ANKRD18B: variants seen among roughly 807,000 people sequenced by gnomAD.
ANKRD18B encodes ankyrin repeat domain 18B, also known as ankyrin repeat domain-containing protein 18B.
A neutral mutation model predicts 111.8 loss-of-function variants in ANKRD18B; 75 were observed. The ratio of observed to expected loss-of-function variants is 0.67; its 90% CI spans 0.56 to 0.81. The LOEUF is 0.81. Among genes scored for constraint, ANKRD18B ranks in the 40% least tolerant of loss-of-function variants. The pLI, the probability that ANKRD18B is intolerant of heterozygous loss-of-function variation, is 0.00. For synonymous variants in ANKRD18B, 356 were observed against 417.3 expected (o/e 0.85, Z 1.79); for missense variants, 1,038 against 1,225.5 (o/e 0.85, Z 2.28).
intron 1 of ANKRD18B, among the ~76,000 whole-genome samples, chr9:33,527,354 C>T (rs1168956349): frequency 2.6e-5 from 4 of 151,928 alleles, no homozygotes; most frequent in African/African-American, 9.7e-5. Flanking sequence ...CAGAGTCTCA[C>T]TCTGTCGCCT....
downstream of ANKRD18B, chr9:33,574,354 T>C (rs1207227536): frequency 6.3e-6 from 1 of 158,698 alleles, no homozygotes; most frequent in East Asian, 1.7e-4. Flanking sequence ...TTAGCCGATG[T>C]GTGACCTCAG....
chr9:33,543,205 T>A lies in ANKRD18B; in HGVS notation c.1099T>A (p.Ser367Thr), dbSNP rs765350804. The A allele has an allele frequency of 1.3e-6, 2 of 1,552,960 alleles. No homozygotes were observed. The highest frequency in any genetic ancestry group is 8.7e-7 in the Non-Finnish European group (1 of 1,147,428). Residue 367 changes from serine (S) to threonine (T), a missense_variant, in exon 10 of 19, where the codon TCA becomes ACA. By Grantham distance (58) the Ser-to-Thr change is moderately conservative. Coordinates refer to ENST00000684830, the MANE Select transcript of ANKRD18B (RefSeq NM_001393611.1). The part of the protein sequence containing the change: ...GAKEHNLKVA[S>T]EEKQERLERS... Reference sequence around the variant, plus strand: ...AGCAGAACACAACTTAAAAGTGGCTTCAGAGGAAAAGCAAGAAAGGCTTGA... The same window carrying A: ...AGCAGAACACAACTTAAAAGTGGCTACAGAGGAAAAGCAAGAAAGGCTTGA...
intron 10 of ANKRD18B, among the ~76,000 whole-genome samples, chr9:33,547,268 C>T (rs533116727): frequency 1.8e-4 from 27 of 152,184 alleles, no homozygotes; most frequent in Non-Finnish European, 2.6e-4. Flanking sequence ...AGTCAGAAGC[C>T]GTGAGGAAAA....
chr9:33,557,015 A>G (rs1241479905), intron 13 of ANKRD18B, among the ~76,000 whole-genome samples: 2 of 152,124 alleles, frequency 1.3e-5, no homozygotes, highest in Admixed American at 1.3e-4. Flanking sequence ...GAAGCCCTGA[A>G]CACAGCTACT....
rs184985197 is a variant in ANKRD18B at position 33,559,351 on chromosome 9, C to A, written c.2460+1164C>A. ...CCATTTCAATCTCTTGGCCCTGCAACAGCCATTTCAAAATATGTCAAAAAA... is the reference window on the plus strand; with the variant it reads ...CCATTTCAATCTCTTGGCCCTGCAAAAGCCATTTCAAAATATGTCAAAAAA... On this transcript the variant is annotated intron_variant, in intron 14 of 18. Coordinates refer to ENST00000684830, the MANE Select transcript of ANKRD18B (RefSeq NM_001393611.1). 2.0e-5 allele frequency among the ~76,000 whole-genome samples: 3 copies of A among 152,254 alleles called. No homozygotes were observed. The East Asian group carries it at 5.8e-4, about 29-fold the overall frequency.
intron 1 of ANKRD18B, among the ~76,000 whole-genome samples, chr9:33,527,555 A>C (rs1158481999): frequency 6.6e-6 from 1 of 152,186 alleles, no homozygotes; most frequent in African/African-American, 2.4e-5. Context: ...CTCCTGACCT[A>C]GAGATCCACC....
intron 6 of ANKRD18B, among the ~76,000 whole-genome samples, chr9:33,538,561 C>A (rs995681663): frequency 1.3e-5 from 2 of 152,034 alleles, no homozygotes; most frequent in Admixed American, 6.6e-5. Context: ...CATGGTGAAA[C>A]CCTATCTCTA....
chr9:33,573,811 T>C (rs1287558439), downstream of ANKRD18B, among the ~76,000 whole-genome samples: 2 of 144,808 alleles, frequency 1.4e-5, 1 homozygote, highest in Non-Finnish European at 3.1e-5. Context: ...ACCTGGCCAG[T>C]TGGGACCTGA....
Position 33,524,398 on chromosome 9 carries a change from G to T in ANKRD18B, c.-92G>T. On this transcript the variant is annotated 5_prime_UTR_variant, in exon 1 of 19. Coordinates refer to ENST00000684830, the MANE Select transcript of ANKRD18B (RefSeq NM_001393611.1). ...GGGTGGATCGCTGGGTGGGGAGGGGGATCTCGAATTTGGAGCTGGGTGGGG... is the reference window on the plus strand; with the variant it reads ...GGGTGGATCGCTGGGTGGGGAGGGGTATCTCGAATTTGGAGCTGGGTGGGG... 2 of 1,275,484 alleles carry T rather than the reference G, an allele frequency of 1.6e-6. No homozygotes were observed. The highest frequency in any genetic ancestry group is 1.6e-5 in the South Asian group (1 of 62,462). 79.0% of individuals were successfully genotyped at this position (1,275,484 alleles called of 1,614,324 possible). A position where few individuals can be genotyped will look rare whatever the true frequency, so the allele number is the denominator to read the frequency against.
chr9:33,536,020 C>G (rs1301060530), intron 5 of ANKRD18B, among the ~76,000 whole-genome samples: 2 of 151,820 alleles, frequency 1.3e-5, no homozygotes, highest in Non-Finnish European at 2.9e-5. Flanking sequence ...ACAAGCAGGG[C>G]TTTGTCTTGT....
At chr9:33,557,326 G>A (rs1421905910) in intron 13 of ANKRD18B, among the ~76,000 whole-genome samples, 1 of 151,616 alleles carries the variant, frequency 6.6e-6, no homozygotes, top group Non-Finnish European at 1.5e-5. Context: ...TCTTCTTATA[G>A]ACTGTGGTCA....
chr9:33,531,573 C>T (rs941755651), intron 3 of ANKRD18B, among the ~76,000 whole-genome samples: 14 of 150,618 alleles, frequency 9.3e-5, no homozygotes, highest in African/African-American at 3.0e-4. Context: ...GGGTAGGAGG[C>T]ACATATTCTC....
intron 16 of ANKRD18B, among the ~76,000 whole-genome samples, chr9:33,568,364 T>C (rs1362141193): frequency 6.6e-6 from 1 of 152,318 alleles, no homozygotes; most frequent in South Asian, 2.1e-4. Flanking sequence ...ATCTTATAAG[T>C]AGAGCTATTT....
intron 12 of ANKRD18B, among the ~76,000 whole-genome samples, chr9:33,552,906 C>T (rs1434704466): frequency 6.6e-6 from 1 of 152,180 alleles, no homozygotes; most frequent in Non-Finnish European, 1.5e-5. Flanking sequence ...ATCTTCCCAA[C>T]ATCCCAGTGA....
chr9:33,566,901 T>A (rs887558147), intron 15 of ANKRD18B: 1 of 558,248 alleles, frequency 1.8e-6, no homozygotes, highest in Non-Finnish European at 3.0e-6. Flanking sequence ...AACATAATTA[T>A]GATTCCAAAT....
chr9:33,555,036 A>G (rs1441261610), intron 12 of ANKRD18B, among the ~76,000 whole-genome samples: 3 of 128,560 alleles, frequency 2.3e-5, no homozygotes, highest in Admixed American at 7.8e-5. Context: ...TTCAATAAAA[A>G]CACAATAAGT....
At chr9:33,527,749 G>A (rs111880208) in intron 1 of ANKRD18B, among the ~76,000 whole-genome samples, 4 of 152,182 alleles carry the variant, frequency 2.6e-5, no homozygotes, top group South Asian at 4.1e-4. Context: ...TGCCTAGAAC[G>A]GCCCTAGACC....
At position 33,548,532 on chromosome 9, in the gene ANKRD18B, C is replaced by A. The variant is rs754632713; in HGVS notation, c.1744C>A (p.Leu582Ile). The A allele has an allele frequency of 3.2e-6, 5 of 1,550,912 alleles. No individual in the cohort carries two copies. In the South Asian group the frequency reaches 6.0e-5, roughly 18 times the overall value. ...GGCTTTAGAAAGTGTACAGCTGGAC[C>A]TAAAGCAAGCGCAGCATCGAATAAA... ...TLALESVQLD[L>I]KQAQHRIKEM... Residue 582 changes from leucine to isoleucine, a missense_variant, in exon 11 of 19, where the codon CTA becomes ATA. Leu to Ile is a conservative substitution (Grantham distance 5). Transcript: ENST00000684830.
At chr9:33,526,199 A>T (rs1828022508) in intron 1 of ANKRD18B, among the ~76,000 whole-genome samples, 1 of 152,304 alleles carries the variant, frequency 6.6e-6, no homozygotes, top group South Asian at 2.1e-4. Context: ...ACCACATTTT[A>T]AAAATGTATA....
Sources: gnomAD v4.1 joint callset for allele counts (sites outside exome capture counted in the v4.1 genomes callset) on GRCh38, gnomAD v4.1.1 for gene constraint, MANE v1.5 for transcripts, NCBI Gene and HGNC (gene_info 2026-07-23, HGNC 2026-07-21) for gene names.